The following ENOX1 variants were observed in gnomAD, a reference collection of about 807,000 sequenced individuals.
ENOX1 encodes ecto-NOX disulfide-thiol exchanger 1.
Under a neutral mutation model 82.5 loss-of-function variants are expected in ENOX1, and 42 were observed. The observed-to-expected ratio is 0.51, with a 90% CI of 0.40 to 0.66. The LOEUF is 0.66. Ranked by LOEUF, ENOX1 falls within the 30% of genes least tolerant of loss-of-function variation. The pLI, the probability that ENOX1 is intolerant of heterozygous loss-of-function variation, is 0.00. For synonymous variants in ENOX1, 271 were observed against 282.2 expected (o/e 0.96, Z 0.40); for missense variants, 608 against 811.6 (o/e 0.75, Z 3.05).
At chr13:43,492,514 A>C (rs2076654985) in intron 2 of ENOX1, among the ~76,000 whole-genome samples, 1 of 152,236 alleles carries the variant, frequency 6.6e-6, no homozygotes, top group African/African-American at 2.4e-5. Context: ...CACTTCTGAT[A>C]AATGCTTACA....
chr13:43,419,262 T>C (rs979743954), intron 3 of ENOX1, among the ~76,000 whole-genome samples: 11 of 152,164 alleles, frequency 7.2e-5, no homozygotes, highest in African/African-American at 2.4e-4. Flanking sequence ...GTGGCTCATA[T>C]CTACAACCCC....
intron 3 of ENOX1, among the ~76,000 whole-genome samples, chr13:43,435,524 A>G (rs1334411751): frequency 6.6e-6 from 1 of 152,192 alleles, no homozygotes; most frequent in Non-Finnish European, 1.5e-5. Flanking sequence ...TGTCCTTTAC[A>G]CAATGGTGCC....
chr13:43,783,682 C>T (rs1428506656), intron 1 of ENOX1, among the ~76,000 whole-genome samples: 2 of 152,082 alleles, frequency 1.3e-5, no homozygotes, highest in East Asian at 1.9e-4. Flanking sequence ...AATTTGCTTA[C>T]GATGTTTAAT....
At chr13:43,424,914 C>A (rs985602327) in intron 3 of ENOX1, among the ~76,000 whole-genome samples, 1 of 152,134 alleles carries the variant, frequency 6.6e-6, no homozygotes, top group African/African-American at 2.4e-5. Flanking sequence ...GACTGCACAG[C>A]AGCACATCCA....
chr13:43,225,840 C>T (rs528993721), intron 15 of ENOX1, among the ~76,000 whole-genome samples: 1 of 152,298 alleles, frequency 6.6e-6, no homozygotes, highest in South Asian at 2.1e-4. Context: ...ACAATTCCCA[C>T]ATTTCCCTGT....
At chr13:43,406,800 A>G (rs1015756406) in intron 5 of ENOX1, among the ~76,000 whole-genome samples, 2 of 152,004 alleles carry the variant, frequency 1.3e-5, no homozygotes, top group African/African-American at 4.8e-5. Context: ...GCCAAGTATG[A>G]TGTCTTTTTG....
intron 2 of ENOX1, among the ~76,000 whole-genome samples, chr13:43,563,662 C>A (rs1001689326): frequency 6.6e-6 from 1 of 151,798 alleles, no homozygotes; most frequent in Non-Finnish European, 1.5e-5. Context: ...GGGAAAGACC[C>A]AGATAAATAA....
intron 14 of ENOX1, among the ~76,000 whole-genome samples, chr13:43,255,595 C>T (rs1425715401): frequency 1.3e-5 from 2 of 151,980 alleles, no homozygotes; most frequent in Admixed American, 6.6e-5. Context: ...GATACAAAGT[C>T]AATGTACAGA....
chr13:43,454,841 ATTTTT>A (rs3044064), intron 3 of ENOX1, among the ~76,000 whole-genome samples: 3 of 143,124 alleles, frequency 2.1e-5, no homozygotes, highest in African/African-American at 2.6e-5. Flanking sequence ...TATTGAAACC[ATTTTT>A]TTTTTTTTTT....
chr13:43,330,245 A>G (rs1273393380), intron 9 of ENOX1, among the ~76,000 whole-genome samples: 1 of 152,226 alleles, frequency 6.6e-6, no homozygotes, highest in African/African-American at 2.4e-5. Flanking sequence ...ACAAGATGGC[A>G]TTGGCATTTG....
intron 2 of ENOX1, among the ~76,000 whole-genome samples, chr13:43,595,420 T>C (rs750005407): frequency 6.6e-6 from 1 of 152,202 alleles, no homozygotes; most frequent in Non-Finnish European, 1.5e-5. Flanking sequence ...TTATTTCTTT[T>C]TTTTATTATA....
At chr13:43,633,928 TATA>T (rs1340956455) in intron 2 of ENOX1, among the ~76,000 whole-genome samples, 4 of 152,142 alleles carry the variant, frequency 2.6e-5, no homozygotes, top group African/African-American at 7.2e-5. Flanking sequence ...AATGTAATCT[TATA>T]ATGAGTAAGT....
chr13:43,724,638 G>A (rs1048359104), intron 1 of ENOX1, among the ~76,000 whole-genome samples: 1 of 151,860 alleles, frequency 6.6e-6, no homozygotes, highest in African/African-American at 2.4e-5. Context: ...AGTCAAGTTT[G>A]CCTTTGTATT....
chr13:43,717,201 C>A (rs1464859999), intron 1 of ENOX1, among the ~76,000 whole-genome samples: 1 of 152,124 alleles, frequency 6.6e-6, no homozygotes. Context: ...GATACACAGA[C>A]CAACAGAATA....
chr13:43,655,594 A>G (rs955658595), intron 2 of ENOX1, among the ~76,000 whole-genome samples: 1 of 152,072 alleles, frequency 6.6e-6, no homozygotes, highest in East Asian at 1.9e-4. Context: ...CATGTTGATC[A>G]TGTCACTTGT....
chr13:43,276,596 C>T (rs753113968), intron 12 of ENOX1, among the ~76,000 whole-genome samples: 13 of 152,232 alleles, frequency 8.5e-5, no homozygotes, highest in Non-Finnish European at 1.3e-4. Context: ...CCTTAGGTCC[C>T]GCTGATGAGG....
chr13:43,368,740 A>G (rs1016038499), intron 5 of ENOX1, among the ~76,000 whole-genome samples: 1 of 152,194 alleles, frequency 6.6e-6, no homozygotes, highest in Non-Finnish European at 1.5e-5. Context: ...GTTCATTTTG[A>G]CAAGCAGGCA....
intron 14 of ENOX1, among the ~76,000 whole-genome samples, chr13:43,239,023 C>T (rs183267911): frequency 3.9e-5 from 6 of 152,212 alleles, no homozygotes; most frequent in African/African-American, 1.4e-4. Context: ...GGACTCTGAG[C>T]AAGGTTCAAA....
intron 2 of ENOX1, among the ~76,000 whole-genome samples, chr13:43,560,284 A>G (rs2079614146): frequency 6.6e-6 from 1 of 152,116 alleles, no homozygotes; most frequent in Admixed American, 6.6e-5. Flanking sequence ...CTGAGTTTTA[A>G]CAATTAAAAA....
Sources: gnomAD v4.1 joint callset for allele counts (sites outside exome capture counted in the v4.1 genomes callset) on GRCh38, gnomAD v4.1.1 for gene constraint, MANE v1.5 for transcripts, NCBI Gene and HGNC (gene_info 2026-07-23, HGNC 2026-07-21) for gene names.